The following TNIK variants were observed in gnomAD, a reference collection of about 807,000 sequenced individuals.
TNIK encodes TRAF2 and NCK-interacting protein kinase.
Under a neutral mutation model 191.3 loss-of-function variants are expected in TNIK, and 49 were observed. The ratio of observed to expected loss-of-function variants is 0.26; its 90% CI spans 0.20 to 0.32. The LOEUF is 0.32. Ranked by LOEUF, TNIK falls within the 10% of genes least tolerant of loss-of-function variation. The probability of loss-of-function intolerance (pLI) is 1.00; values close to 1 mark genes in which losing one functional copy is unlikely to be tolerated. For missense variants in TNIK, 1,155 were observed against 1,702.3 expected, an observed-to-expected ratio of 0.68 and a Z score of 5.66; for synonymous variants, 594 against 600.9, an observed-to-expected ratio of 0.99 and a Z score of 0.17.
At chr3:171,447,214 T>C (rs954734585) in intron 1 of TNIK, among the ~76,000 whole-genome samples, 15 of 147,460 alleles carry the variant, frequency 1.0e-4, no homozygotes, top group Admixed American at 8.2e-4. Flanking sequence ...AATAAATAAA[T>C]AAACAAACAA....
At chr3:171,148,642 A>G (rs1458721276) in intron 12 of TNIK, among the ~76,000 whole-genome samples, 1 of 152,198 alleles carries the variant, frequency 6.6e-6, no homozygotes, top group African/African-American at 2.4e-5. Context: ...GGGCCACTCC[A>G]GTACTCCCGA....
chr3:171,137,596 T>A (rs751951000), intron 15 of TNIK, among the ~76,000 whole-genome samples: 2 of 152,210 alleles, frequency 1.3e-5, no homozygotes, highest in Non-Finnish European at 2.9e-5. Context: ...AACATAGTGC[T>A]AAGTTCCTGA....
chr3:171,258,383 C>A (rs1000537848), intron 2 of TNIK, among the ~76,000 whole-genome samples: 8 of 152,154 alleles, frequency 5.3e-5, no homozygotes, highest in Admixed American at 1.3e-4. Context: ...CCTGAATCAA[C>A]TTTCAGAGAG....
chr3:171,160,521 A>G (rs1020812073), intron 11 of TNIK, among the ~76,000 whole-genome samples: 6 of 151,600 alleles, frequency 4.0e-5, no homozygotes, highest in African/African-American at 1.5e-4. Flanking sequence ...CTTACTTCAC[A>G]TGTATACTGC....
At chr3:171,235,439 C>A (rs1744146233) in intron 2 of TNIK, among the ~76,000 whole-genome samples, 1 of 152,114 alleles carries the variant, frequency 6.6e-6, no homozygotes, top group Non-Finnish European at 1.5e-5. Flanking sequence ...GCAGCCAACT[C>A]TTCAGCCTCT....
intron 1 of TNIK, among the ~76,000 whole-genome samples, chr3:171,370,135 G>A (rs951186216): frequency 6.6e-6 from 1 of 152,144 alleles, no homozygotes; most frequent in South Asian, 2.1e-4. Flanking sequence ...GGGTGTTCGT[G>A]CATTGTGGGG....
chr3:171,346,442 A>G (rs1365247958), intron 2 of TNIK, among the ~76,000 whole-genome samples: 1 of 152,064 alleles, frequency 6.6e-6, no homozygotes, highest in Non-Finnish European at 1.5e-5. Flanking sequence ...CTTGCACTGC[A>G]CTCTACTTAT....
intron 1 of TNIK, among the ~76,000 whole-genome samples, chr3:171,385,634 AC>A (rs1306017705): frequency 6.6e-6 from 1 of 152,182 alleles, no homozygotes; most frequent in East Asian, 1.9e-4. Flanking sequence ...ACTTTAAAAT[AC>A]CTGCAGGATT....
chr3:171,150,261 A>G (rs1732260799), intron 12 of TNIK, among the ~76,000 whole-genome samples: 1 of 152,202 alleles, frequency 6.6e-6, no homozygotes, highest in Non-Finnish European at 1.5e-5. Context: ...AGTGCCAGGT[A>G]CTGTTCTAAG....
intron 2 of TNIK, among the ~76,000 whole-genome samples, chr3:171,298,911 A>G (rs1752599995): frequency 6.6e-6 from 1 of 152,210 alleles, no homozygotes; most frequent in Non-Finnish European, 1.5e-5. Flanking sequence ...ATAGATGAGA[A>G]GGGCAATATG....
chr3:171,158,420 A>G (rs1733514906), intron 11 of TNIK, among the ~76,000 whole-genome samples: 1 of 152,222 alleles, frequency 6.6e-6, no homozygotes, highest in Admixed American at 6.5e-5. Context: ...GAGGACATAA[A>G]TAAGTTCTAC....
intron 2 of TNIK, among the ~76,000 whole-genome samples, chr3:171,293,263 C>T (rs1171860248): frequency 3.9e-5 from 6 of 152,154 alleles, no homozygotes; most frequent in Non-Finnish European, 7.4e-5. Flanking sequence ...GGCTAGTCTT[C>T]CTGTGCCTGC....
intron 2 of TNIK, among the ~76,000 whole-genome samples, chr3:171,282,789 T>C (rs915949847): frequency 6.6e-6 from 1 of 152,236 alleles, no homozygotes; most frequent in Non-Finnish European, 1.5e-5. Flanking sequence ...CTATTTTCTA[T>C]TCTCAAGATT....
Position 171,132,893 on chromosome 3 carries a change from C to CT in TNIK, c.1609-4016dup, listed in dbSNP as rs549326917. 3.3e-5 allele frequency among the ~76,000 whole-genome samples: 5 copies of CT among 152,290 alleles called. No individual in the cohort carries two copies. The East Asian group carries it at 5.8e-4, about 18-fold the overall frequency. On this transcript the variant is annotated intron_variant, in intron 15 of 32. Transcript: ENST00000436636. Reference sequence around the variant, plus strand: ...TTCAACACAATCATATGGGTATTCTCTTTTTTTCCCCAACTGGACAAAACA... The same window carrying CT: ...TTCAACACAATCATATGGGTATTCTCTTTTTTTTCCCCAACTGGACAAAACA...
intron 2 of TNIK, among the ~76,000 whole-genome samples, chr3:171,273,252 C>T (rs1749344063): frequency 6.6e-6 from 1 of 152,322 alleles, no homozygotes; most frequent in Non-Finnish European, 1.5e-5. Flanking sequence ...CCACCTGATG[C>T]CAAGGTGAGT....
intron 3 of TNIK, among the ~76,000 whole-genome samples, chr3:171,219,056 T>TA (rs1279383143): frequency 1.6e-5 from 2 of 122,046 alleles, no homozygotes; most frequent in African/African-American, 3.1e-5. Flanking sequence ...ATATTTAATA[T>TA]AATATATTAA....
At chr3:171,444,574 TAAAA>T (rs776537688) in intron 1 of TNIK, among the ~76,000 whole-genome samples, 1 of 90,846 alleles carries the variant, frequency 1.1e-5, no homozygotes, top group Non-Finnish European at 2.4e-5. Flanking sequence ...ATAAACTTGC[TAAAA>T]AAAAAAAAAA....
At chr3:171,296,698 G>A (rs1398778466) in intron 2 of TNIK, among the ~76,000 whole-genome samples, 3 of 152,140 alleles carry the variant, frequency 2.0e-5, no homozygotes, top group African/African-American at 7.2e-5. Context: ...GCAAAATATT[G>A]ATAATTATTG....
intron 2 of TNIK, among the ~76,000 whole-genome samples, chr3:171,327,414 G>A (rs1191197868): frequency 6.6e-6 from 1 of 152,172 alleles, no homozygotes; most frequent in African/African-American, 2.4e-5. Flanking sequence ...TGTCTAGGAG[G>A]GACCAAGGGA....
Sources: gnomAD v4.1 joint callset for allele counts (sites outside exome capture counted in the v4.1 genomes callset) on GRCh38, gnomAD v4.1.1 for gene constraint, MANE v1.5 for transcripts, NCBI Gene and HGNC (gene_info 2026-07-23, HGNC 2026-07-21) for gene names.